Variants in KRT86 observed in about 807,000 individuals in gnomAD.
KRT86 encodes the protein keratin 86, also known as keratin, type II cuticular Hb6.
Under a neutral mutation model 41.2 loss-of-function variants are expected in KRT86, and 30 were observed. The observed-to-expected ratio is 0.73, with a 90% CI of 0.54 to 0.99. KRT86 has a LOEUF of 0.99. KRT86 is among the 50% of genes least tolerant of loss of function. The pLI, the probability that KRT86 is intolerant of heterozygous loss-of-function variation, is 0.00. For missense variants in KRT86, 561 were observed against 571.4 expected, an observed-to-expected ratio of 0.98 and a Z score of 0.19; for synonymous variants, 238 against 238.1, an observed-to-expected ratio of 1.00 and a Z score of 0.00.
Position 52,301,996 on chromosome 12 carries a change from T to A in KRT86, c.80T>A (p.Ile27Asn). ...GGGCCCCGGCCCGGCCGCTGCTGCA[T>A]CACCGCCGCCCCCTACCGTGGCATC... ...ACGPRPGRCC[I>N]TAAPYRGISC... The change falls in exon 3 of 11, where the codon ATC becomes AAC. Residue 27 changes from isoleucine (I) to asparagine (N), a missense_variant. This residue lies in a region of KRT86 where 164 missense variants were observed against 172.5 expected (regional missense o/e 0.95). Coordinates refer to ENST00000423955, the MANE Select transcript of KRT86 (RefSeq NM_001320198.2). 6.2e-7 allele frequency: 1 copy of A among 1,612,756 alleles called. No homozygotes were observed. Among genetic ancestry groups the A allele is most frequent in the Non-Finnish European group, 8.5e-7 (1 of 1,179,440 alleles).
intron 2 of KRT86, chr12:52,287,073 G>A (rs750223770): frequency 6.2e-7 from 1 of 1,612,652 alleles, no homozygotes; most frequent in East Asian, 2.2e-5. Context: ...GGGGAAGGGT[G>A]GTTCTGGGCC....
intron 2 of KRT86, among the ~76,000 whole-genome samples, chr12:52,277,938 C>A (rs910643167): frequency 1.3e-5 from 2 of 152,308 alleles, no homozygotes; most frequent in Admixed American, 6.5e-5. Context: ...GCACCTGGGA[C>A]GGGGTGACCC....
intron 2 of KRT86, among the ~76,000 whole-genome samples, chr12:52,283,975 G>T (rs1056130902): frequency 1.3e-5 from 2 of 152,204 alleles, no homozygotes; most frequent in African/African-American, 2.4e-5. Flanking sequence ...AGGATTGTGG[G>T]GCCGGAGTAG....
rs201329364 is a variant in KRT86, at chr12:52,301,943, C to G, written c.27C>G (p.Gly9=). The G allele has an allele frequency of 5.8e-5, 93 of 1,613,704 alleles. No individual in the cohort carries two copies. The highest frequency in any genetic ancestry group is 7.2e-5 in the Non-Finnish European group (85 of 1,179,794). MTCGSYCG[G]RAFSCISACG... ...TGACTTGTGGATCTTACTGTGGTGGCCGCGCCTTCAGCTGCATCTCGGCCT... is the reference window on the plus strand; with the variant it reads ...TGACTTGTGGATCTTACTGTGGTGGGCGCGCCTTCAGCTGCATCTCGGCCT... The change falls in exon 3 of 11, where the codon GGC becomes GGG. Residue 9 remains glycine (G), a synonymous_variant. Coordinates refer to ENST00000423955, the MANE Select transcript of KRT86 (RefSeq NM_001320198.2).
chr12:52,274,738 G>A lies in KRT86; in HGVS notation c.-131+16G>A, dbSNP rs572554569. On this transcript the variant is annotated intron_variant, in intron 1 of 10. Coordinates refer to ENST00000423955, the MANE Select transcript of KRT86 (RefSeq NM_001320198.2). Reference sequence around the variant, plus strand: ...TTTCTCCATGGTGAGACTCATACACGTGGCTCCCTGGTCACACAGGGATGA... The same window carrying A: ...TTTCTCCATGGTGAGACTCATACACATGGCTCCCTGGTCACACAGGGATGA... 5.1e-6 allele frequency: 5 copies of A among 985,324 alleles called. No homozygotes were observed. The highest frequency in any genetic ancestry group is 6.1e-5 in the Admixed American group (1 of 16,276). The allele number at this position is 985,324 out of a possible 1,614,324, so 61.0% of individuals were successfully genotyped here. A position where few individuals can be genotyped will look rare whatever the true frequency, so the allele number is the denominator to read the frequency against.
chr12:52,278,862 C>T (rs1937702451), intron 2 of KRT86: 1 of 152,284 alleles, frequency 6.6e-6, no homozygotes, highest in Admixed American at 6.6e-5. Flanking sequence ...GGGGCTATTT[C>T]TTCTCTCGGG....
intron 1 of KRT86, among the ~76,000 whole-genome samples, chr12:52,275,318 C>G (rs1052208693): frequency 1.3e-5 from 2 of 152,154 alleles, no homozygotes; most frequent in Admixed American, 1.3e-4. Context: ...GGGGAAGAAG[C>G]TGGAATCTAG....
intron 2 of KRT86, among the ~76,000 whole-genome samples, chr12:52,277,057 G>A (rs566370908): frequency 4.6e-5 from 7 of 152,268 alleles, no homozygotes; most frequent in Admixed American, 3.9e-4. Context: ...GGTTCCCCAA[G>A]CAGCAAATAC....
intron 2 of KRT86, chr12:52,288,043 G>A (rs768674094): frequency 2.5e-6 from 4 of 1,614,086 alleles, no homozygotes; most frequent in Non-Finnish European, 3.4e-6. Context: ...TCGTCATACT[G>A]TGCCTTAATC....
At chr12:52,297,890 G>A (rs1207630855) in intron 2 of KRT86, among the ~76,000 whole-genome samples, 2 of 152,178 alleles carry the variant, frequency 1.3e-5, no homozygotes, top group African/African-American at 4.8e-5. Context: ...ATACTTGGAT[G>A]AATTATCAAG....
chr12:52,286,387 C>G, intron 2 of KRT86: 1 of 1,555,350 alleles, frequency 6.4e-7, no homozygotes, highest in East Asian at 2.4e-5. Context: ...CGGTGCTCAC[C>G]GCCACGTTCC....
chr12:52,278,598 G>A lies in KRT86; in HGVS notation c.-5+2652G>A, dbSNP rs114387336. On this transcript the variant is annotated intron_variant, in intron 2 of 10. Coordinates refer to ENST00000423955, the MANE Select transcript of KRT86 (RefSeq NM_001320198.2). ...GTCAGGAGTGTGTGTCCTGGGGAAT[G>A]CAGAATACCAAACCTAGTAGACAGA... Among the ~76,000 whole-genome samples, 621 of 152,244 alleles carry A rather than the reference G, an allele frequency of 4.1e-3. 3 individuals carry two copies. The highest frequency in any genetic ancestry group is 0.014 in the African/African-American group (582 of 41,538).
Position 52,306,109 on chromosome 12 carries a change from C to T in KRT86, c.1076C>T (p.Ala359Val), listed in dbSNP as rs534973333. ...AVAQSEQQGE[A>V]ALSDARCKLA... ...GCTCAGTCTGAGCAGCAGGGTGAGG[C>T]GGCCCTCAGCGATGCCCGCTGCAAG... The change falls in exon 9 of 11, where the codon GCG becomes GTG. Residue 359 changes from alanine to valine, a missense_variant. Around this residue, in one of 3 missense-constraint regions of KRT86, gnomAD observed 397 missense variants for 375.9 expected, o/e 1.06. Transcript: ENST00000423955. 3.5e-5 allele frequency: 57 copies of T among 1,614,030 alleles called. No individual in the cohort carries two copies. Among genetic ancestry groups the T allele is most frequent in the East Asian group, 6.7e-5 (3 of 44,868 alleles).
chr12:52,305,196 G>T, intron 6 of KRT86, 44 bp from the exon 7 acceptor site: 1 of 1,613,826 alleles, frequency 6.2e-7, no homozygotes, highest in Non-Finnish European at 8.5e-7. Context: ...CATGGTGGGT[G>T]GGGCTGTGTT....
Position 52,293,233 on chromosome 12 carries a change from C to T in KRT86, c.-4-8680C>T, listed in dbSNP as rs182212061. On this transcript the variant is annotated intron_variant, in intron 2 of 10. Coordinates refer to ENST00000423955, the MANE Select transcript of KRT86 (RefSeq NM_001320198.2). ...AATTGGTCACCTACTATGTGATCAT[C>T]ATTATATATCGTAAATGATCTCTAA... Among the ~76,000 whole-genome samples the T allele has an allele frequency of 3.2e-3, 481 of 152,294 alleles. 2 individuals are homozygous for T. The highest frequency in any genetic ancestry group is 6.4e-3 in the Admixed American group (98 of 15,300).
At chr12:52,291,823 GAGA>G (rs1313981580) in intron 2 of KRT86, among the ~76,000 whole-genome samples, 4 of 152,092 alleles carry the variant, frequency 2.6e-5, no homozygotes, top group Non-Finnish European at 4.4e-5. Context: ...AGGAGAGGAC[GAGA>G]AGGAGGAGTA....
At chr12:52,286,599 C>A in intron 2 of KRT86, 2 of 1,312,750 alleles carry the variant, frequency 1.5e-6, no homozygotes, top group Non-Finnish European at 2.1e-6. Context: ...AAGTCAGAAG[C>A]ATCTTTGTGG....
At chr12:52,281,700 T>C (rs1213351835) in intron 2 of KRT86, among the ~76,000 whole-genome samples, 5 of 152,194 alleles carry the variant, frequency 3.3e-5, no homozygotes, top group African/African-American at 4.8e-5. Context: ...CTCCTCTAGA[T>C]CTAAATTGTG....
Position 52,305,147 on chromosome 12 carries a change from G to T in KRT86, c.736-93G>T, listed in dbSNP as rs10876274. On this transcript the variant is annotated intron_variant, in intron 6 of 10. Transcript: ENST00000423955. ...CCCTGAGGCTGTGTGAGGGGGCAGG[G>T]TTGGGGACCAGAGAAAGCCTGAGGA... is the stretch of plus-strand genomic sequence containing the variant. 45,132 of 1,609,578 alleles carry T rather than the reference G, an allele frequency of 0.028. 716 individuals are homozygous for T. The highest frequency in any genetic ancestry group is 0.041 in the South Asian group (3,688 of 90,940).
Sources: allele counts gnomAD v4.1 joint callset (sites outside exome capture counted in the v4.1 genomes callset), GRCh38; gene constraint gnomAD v4.1.1; regional missense constraint gnomAD v4.1.1; transcripts MANE v1.5; gene names NCBI Gene and HGNC (gene_info 2026-07-23, HGNC 2026-07-21).